Variants in GCNT2 observed in about 807,000 individuals in gnomAD.
GCNT2 encodes the protein N-acetyllactosaminide beta-1,6-N-acetylglucosaminyl-transferase.
A neutral mutation model predicts 34.2 loss-of-function variants in GCNT2; 34 were observed. The ratio of observed to expected loss-of-function variants is 1.00; its 90% CI spans 0.76 to 1.32. The LOEUF (loss-of-function observed/expected upper bound fraction) is 1.32, where lower values mean the gene tolerates loss of function less well. Ranked by LOEUF, GCNT2 falls within the 40% of genes most tolerant of loss-of-function variation. The pLI, the probability that GCNT2 is intolerant of heterozygous loss-of-function variation, is 0.00. For synonymous variants in GCNT2, 212 were observed against 188.0 expected, an observed-to-expected ratio of 1.13 and a Z score of -1.04; for missense variants, 584 against 489.4, an observed-to-expected ratio of 1.19 and a Z score of -1.82.
chr6:10,585,850 A>C (rs185292074), intron 3 of GCNT2: 1 of 1,505,618 alleles, frequency 6.6e-7, no homozygotes, highest in Non-Finnish European at 8.8e-7. Context: ...CAGGAGGATT[A>C]AAGGATTCAG....
chr6:10,604,435 A>G (rs561430732), intron 3 of GCNT2, among the ~76,000 whole-genome samples: 1 of 152,246 alleles, frequency 6.6e-6, no homozygotes, highest in South Asian at 2.1e-4. Flanking sequence ...ACAATTGGCT[A>G]CTTCTTTGAA....
chr6:10,572,926 T>C (rs1763616742), intron 3 of GCNT2, among the ~76,000 whole-genome samples: 1 of 152,156 alleles, frequency 6.6e-6, no homozygotes, highest in Admixed American at 6.5e-5. Context: ...AACGTCTGCT[T>C]TTTGGGATCT....
intron 3 of GCNT2, among the ~76,000 whole-genome samples, chr6:10,554,866 T>C (rs1010536225): frequency 1.3e-5 from 2 of 152,194 alleles, no homozygotes; most frequent in African/African-American, 2.4e-5. Flanking sequence ...AGAAAAATAA[T>C]GTACAAGCTG....
chr6:10,533,499 T>C (rs991400992), intron 3 of GCNT2, among the ~76,000 whole-genome samples: 17 of 151,318 alleles, frequency 1.1e-4, no homozygotes, highest in African/African-American at 4.1e-4. Context: ...TTAAAGAATG[T>C]ATTTTATGCC....
At chr6:10,604,772 C>T (rs910630330) in intron 3 of GCNT2, among the ~76,000 whole-genome samples, 33 of 151,074 alleles carry the variant, frequency 2.2e-4, no homozygotes, top group Admixed American at 1.2e-3. Flanking sequence ...GAGGTGGGAT[C>T]ACTTGAGTCT....
At chr6:10,533,280 T>G (rs1761585744) in intron 3 of GCNT2, among the ~76,000 whole-genome samples, 1 of 151,942 alleles carries the variant, frequency 6.6e-6, no homozygotes, top group African/African-American at 2.4e-5. Flanking sequence ...CACTCGCGTC[T>G]GGGCGACAGA....
At chr6:10,539,181 T>TC (rs1491453558) in intron 3 of GCNT2, among the ~76,000 whole-genome samples, 3 of 67,562 alleles carry the variant, frequency 4.4e-5, no homozygotes, top group East Asian at 3.4e-4. Flanking sequence ...TCACCGTCTC[T>TC]TTTTTTTTTT....
In GCNT2 at chr6:10,554,651, T is replaced by C. The variant is rs140411908; in HGVS notation, c.925+24815T>C. On this transcript the variant is annotated intron_variant, in intron 3 of 4. Transcript: ENST00000495262. ...GAGTAGAATACACAATAACCTAATA[T>C]TTAAAAGTATTATTCAGAAGAAGAA... Among the ~76,000 whole-genome samples, 9 of 152,350 alleles carry C rather than the reference T, an allele frequency of 5.9e-5. No individual in the cohort carries two copies. In the East Asian group the frequency reaches 1.5e-3, roughly 26 times the overall value.
intron 3 of GCNT2, among the ~76,000 whole-genome samples, chr6:10,572,255 C>A (rs1373570955): frequency 6.6e-6 from 1 of 152,122 alleles, no homozygotes; most frequent in Non-Finnish European, 1.5e-5. Context: ...AAAAAATGAT[C>A]CTTGAAACCA....
chr6:10,525,577 G>A (rs1761145257), intron 1 of GCNT2, among the ~76,000 whole-genome samples: 1 of 152,170 alleles, frequency 6.6e-6, no homozygotes, highest in Non-Finnish European at 1.5e-5. Context: ...TGTCCCATGT[G>A]CCTACCAAAA....
Position 10,626,563 on chromosome 6 carries a change from C to T in GCNT2, c.1165C>T (p.Leu389Phe). 6.2e-7 allele frequency: 1 copy of T among 1,613,950 alleles called. No individual in the cohort carries two copies. The highest frequency in any genetic ancestry group is 1.1e-5 in the South Asian group (1 of 91,076). ...AGAACTGAGGCATCGCGAAAGAACC[C>T]TCAATCAGAGTGAAACTGCGATACA... ...CLELRHRERT[L>F]NQSETAIQPS... The change falls in exon 5 of 5, where the codon CTC becomes TTC. Residue 389 changes from leucine to phenylalanine, a missense_variant. Physicochemically the swap from Leu to Phe is conservative, Grantham distance 22. Transcript: ENST00000495262.
intron 3 of GCNT2, among the ~76,000 whole-genome samples, chr6:10,579,226 C>CA: frequency 6.6e-6 from 1 of 152,146 alleles, no homozygotes. Flanking sequence ...TCTAGTCTTA[C>CA]AAAACTGTTG....
At chr6:10,521,760 T>C (rs1363443217) in intron 1 of GCNT2, among the ~76,000 whole-genome samples, 1 of 152,026 alleles carries the variant, frequency 6.6e-6, no homozygotes, top group Non-Finnish European at 1.5e-5. Flanking sequence ...AGTATCCTTC[T>C]GTATCTCAGT....
At chr6:10,561,118 A>G (rs1762959519) in intron 3 of GCNT2, among the ~76,000 whole-genome samples, 1 of 152,184 alleles carries the variant, frequency 6.6e-6, no homozygotes, top group Non-Finnish European at 1.5e-5. Context: ...ACTTTAAGAA[A>G]AACCCATGTG....
chr6:10,629,066 A>T lies in GCNT2; in HGVS notation c.*2459A>T, dbSNP rs1391920045. 1.3e-5 allele frequency: 2 copies of T among 152,630 alleles called. No individual in the cohort carries two copies. The highest frequency in any genetic ancestry group is 2.9e-5 in the Non-Finnish European group (2 of 68,036). 9.5% of individuals were successfully genotyped at this position (152,630 alleles called of 1,614,324 possible). On this transcript the variant is annotated 3_prime_UTR_variant, in exon 5 of 5. Coordinates refer to ENST00000495262, the MANE Select transcript of GCNT2 (RefSeq NM_145649.5). ...GATAGCGAATGCACTCAGGGTCAGC[A>T]GTGGAGTTTAAAAATTGTCTCTTTT...
rs1764766368 is a variant in GCNT2 at position 10,594,515 on chromosome 6, TACTCTGACCTAAA to T, written c.926-26830_926-26818del. Among the ~76,000 whole-genome samples, 3 of 152,222 alleles carry T rather than the reference TACTCTGACCTAAA, an allele frequency of 2.0e-5. No individual in the cohort carries two copies. The South Asian group carries it at 6.2e-4, about 32-fold the overall frequency. Reference sequence around the variant, plus strand: ...TCTCCGTTAGTTTGATGACCTTGTGTACTCTGACCTAAAACTCTTCATTTTGTAGTCACAATAA... The same window carrying T: ...TCTCCGTTAGTTTGATGACCTTGTGTACTCTTCATTTTGTAGTCACAATAA... On this transcript the variant is annotated intron_variant, in intron 3 of 4. Coordinates refer to ENST00000495262, the MANE Select transcript of GCNT2 (RefSeq NM_145649.5).
At chr6:10,547,196 G>T (rs565523877) in intron 3 of GCNT2, among the ~76,000 whole-genome samples, 66 of 152,118 alleles carry the variant, frequency 4.3e-4, no homozygotes, top group African/African-American at 1.5e-3. Context: ...TAAACTATTT[G>T]CAAGTTATCC....
intron 3 of GCNT2, among the ~76,000 whole-genome samples, chr6:10,583,315 T>C (rs998431145): frequency 6.6e-6 from 1 of 152,050 alleles, no homozygotes; most frequent in African/African-American, 2.4e-5. Flanking sequence ...AATGGCTGCA[T>C]TGTGAATCAA....
At chr6:10,587,642 G>A (rs1025118331) in intron 3 of GCNT2, among the ~76,000 whole-genome samples, 2 of 152,182 alleles carry the variant, frequency 1.3e-5, no homozygotes, top group African/African-American at 4.8e-5. Context: ...TGCAGTCTTT[G>A]GTTGTTTATG....
Sources: allele counts gnomAD v4.1 joint callset (sites outside exome capture counted in the v4.1 genomes callset), GRCh38; gene constraint gnomAD v4.1.1; transcripts MANE v1.5; gene names NCBI Gene and HGNC (gene_info 2026-07-23, HGNC 2026-07-21).